Variants in TNS3 observed in about 807,000 individuals in gnomAD.
The protein encoded by TNS3 is tensin 3, also known as tensin-3.
Under a neutral mutation model 140.9 loss-of-function variants are expected in TNS3, and 45 were observed. The ratio of observed to expected loss-of-function variants is 0.32; its 90% CI spans 0.25 to 0.41. TNS3 has a LOEUF of 0.41. Ranked by LOEUF, TNS3 falls within the 10% of genes least tolerant of loss-of-function variation. The probability of loss-of-function intolerance (pLI) is 1.00; values close to 1 mark genes in which losing one functional copy is unlikely to be tolerated. For synonymous variants in TNS3, 815 were observed against 788.4 expected (o/e 1.03, Z -0.56); for missense variants, 1,716 against 1,906.7 (o/e 0.90, Z 1.86).
chr7:47,544,211 G>C (rs758034731), intron 1 of TNS3, among the ~76,000 whole-genome samples: 2 of 151,092 alleles, frequency 1.3e-5, no homozygotes, highest in Non-Finnish European at 2.9e-5. Flanking sequence ...TCAGAGGCTG[G>C]TGCCAAGAGG....
At chr7:47,538,862 T>G (rs1799699217) in intron 1 of TNS3, among the ~76,000 whole-genome samples, 1 of 152,200 alleles carries the variant, frequency 6.6e-6, no homozygotes, top group African/African-American at 2.4e-5. Context: ...ACATTCATCA[T>G]TTTTTTCCTA....
chr7:47,308,045 GT>G (rs565461099), intron 20 of TNS3, among the ~76,000 whole-genome samples: 292 of 152,154 alleles, frequency 1.9e-3, no homozygotes, highest in African/African-American at 6.3e-3. Context: ...ATGTTTTTCT[GT>G]TTTCTTCCAA....
At chr7:47,575,975 T>A (rs1800666595) in intron 1 of TNS3, among the ~76,000 whole-genome samples, 1 of 151,992 alleles carries the variant, frequency 6.6e-6, no homozygotes, top group African/African-American at 2.4e-5. Flanking sequence ...AGCCCTCCTG[T>A]CTCCCTTAGC....
At chr7:47,284,963 C>T (rs1471299016) in intron 27 of TNS3, among the ~76,000 whole-genome samples, 2 of 152,226 alleles carry the variant, frequency 1.3e-5, no homozygotes, top group South Asian at 4.1e-4. Flanking sequence ...TCAGAACCAG[C>T]AAGGGCCATG....
rs752414814 is a variant in TNS3, at chr7:47,428,306, T to C, written c.389+6A>G. 4.9e-6 allele frequency: 7 copies of C among 1,430,148 alleles called. No individual in the cohort carries two copies. The highest frequency in any genetic ancestry group is 6.4e-6 in the Non-Finnish European group (7 of 1,085,710). 88.6% of individuals were successfully genotyped at this position (1,430,148 alleles called of 1,614,324 possible). ...TCAAGACAGCGAGCTGACATCTTCATCCTACCTGGCTGAGACGTTGGTGAA... is the reference window on the plus strand; with the variant it reads ...TCAAGACAGCGAGCTGACATCTTCACCCTACCTGGCTGAGACGTTGGTGAA... On this transcript the variant is annotated splice_donor_region_variant and intron_variant, in intron 9 of 30. Coordinates refer to ENST00000311160, the MANE Select transcript of TNS3 (RefSeq NM_022748.12).
rs1797875164 is a variant in TNS3, at chr7:47,493,150, G to A, written c.-114-12009C>T. 2.0e-5 allele frequency among the ~76,000 whole-genome samples: 3 copies of A among 152,356 alleles called. No individual in the cohort carries two copies. The South Asian group carries it at 6.2e-4, about 32-fold the overall frequency. ...GAATAAAACCACCCTCCAGAGTGAAGCGCAGAGCTCTGACAGTCAATGTTC... is the reference window on the plus strand; with the variant it reads ...GAATAAAACCACCCTCCAGAGTGAAACGCAGAGCTCTGACAGTCAATGTTC... On this transcript the variant is annotated intron_variant, in intron 3 of 30. Coordinates refer to ENST00000311160, the MANE Select transcript of TNS3 (RefSeq NM_022748.12).
At chr7:47,558,274 C>T (rs1465336238) in intron 1 of TNS3, among the ~76,000 whole-genome samples, 1 of 152,214 alleles carries the variant, frequency 6.6e-6, no homozygotes, top group Non-Finnish European at 1.5e-5. Flanking sequence ...ATCAAAGAGG[C>T]TGCGCCACCT....
intron 4 of TNS3, among the ~76,000 whole-genome samples, chr7:47,459,993 T>C (rs1285461517): frequency 6.6e-6 from 1 of 152,030 alleles, no homozygotes; most frequent in African/African-American, 2.4e-5. Context: ...GTATGAGTGG[T>C]GTCTTTATAA....
intron 18 of TNS3, among the ~76,000 whole-genome samples, chr7:47,345,362 G>A (rs1310654668): frequency 3.3e-5 from 5 of 152,102 alleles, no homozygotes; most frequent in Admixed American, 6.5e-5. Flanking sequence ...AATATTAAGC[G>A]AAAAAGCTGG....
At chr7:47,278,400 C>T (rs1298113444) in intron 30 of TNS3, 180 bp from the exon 31 acceptor site, 1 of 648,056 alleles carries the variant, frequency 1.5e-6, no homozygotes, top group African/African-American at 1.8e-5. Flanking sequence ...CCTTCACAGA[C>T]CTACAGATGG....
At chr7:47,462,065 C>T (rs190606564) in intron 4 of TNS3, among the ~76,000 whole-genome samples, 102 of 152,286 alleles carry the variant, frequency 6.7e-4, no homozygotes, top group Non-Finnish European at 1.2e-3. Flanking sequence ...CTACTTTTAC[C>T]GGTTTTCAGA....
chr7:47,341,326 T>TCTTTA (rs1405354085), intron 20 of TNS3, among the ~76,000 whole-genome samples: 2 of 152,334 alleles, frequency 1.3e-5, no homozygotes, highest in Admixed American at 1.3e-4. Flanking sequence ...TGTTAATTCT[T>TCTTTA]CTTTACATGT....
intron 2 of TNS3, among the ~76,000 whole-genome samples, chr7:47,521,661 AACCTAAAGGATGAGGGTCAGCAGGCAG>A (rs994445252): frequency 1.6e-4 from 24 of 152,192 alleles, no homozygotes; most frequent in African/African-American, 5.5e-4. Flanking sequence ...CTTGAGCTGA[AACCTAAAGGATGAGGGTCAGCAGGCAG>A]AGCAGCACAG....
intron 1 of TNS3, among the ~76,000 whole-genome samples, chr7:47,564,647 AAAC>A (rs1211037702): frequency 2.8e-5 from 2 of 70,540 alleles, no homozygotes; most frequent in East Asian, 3.0e-4. Flanking sequence ...AAAAAAAAAA[AAAC>A]AAAAAAAAAC....
rs372460383 is a variant in TNS3 at position 47,420,465 on chromosome 7, G to C, written c.473+3636C>G. On this transcript the variant is annotated intron_variant, in intron 10 of 30. Coordinates refer to ENST00000311160, the MANE Select transcript of TNS3 (RefSeq NM_022748.12). ...AAATGGCAGAGTATGACCTTCTCAG[G>C]GTACATCACCAGAAAAGGGAAGAAA... Among the ~76,000 whole-genome samples the C allele has an allele frequency of 1.2e-4, 19 of 152,100 alleles. 1 individual carries two copies. In the South Asian group the frequency reaches 3.9e-3, roughly 32 times the overall value.
intron 16 of TNS3, among the ~76,000 whole-genome samples, chr7:47,389,632 T>G (rs1261504377): frequency 6.6e-6 from 1 of 152,236 alleles, no homozygotes; most frequent in Non-Finnish European, 1.5e-5. Flanking sequence ...GTGTATCAAT[T>G]TTTTGAAAGT....
chr7:47,379,562 G>A (rs368350705), intron 16 of TNS3, among the ~76,000 whole-genome samples: 3 of 151,832 alleles, frequency 2.0e-5, no homozygotes, highest in East Asian at 1.9e-4. Flanking sequence ...ATTTCAAGAC[G>A]CGATGAAATG....
intron 20 of TNS3, among the ~76,000 whole-genome samples, chr7:47,330,880 A>G (rs912722997): frequency 6.6e-6 from 1 of 152,132 alleles, no homozygotes; most frequent in African/African-American, 2.4e-5. Context: ...CCCTCCCACC[A>G]GCCCGCACTG....
intron 4 of TNS3, among the ~76,000 whole-genome samples, chr7:47,460,212 CAAAAAAAAAAA>C (rs10526565): frequency 0.025 from 2,872 of 115,084 alleles, 58 homozygotes; most frequent in Middle Eastern, 0.055. Flanking sequence ...GACTCTGTCC[CAAAAAAAAAAA>C]AAAAAAAAAA....
Sources: allele counts gnomAD v4.1 joint callset (sites outside exome capture counted in the v4.1 genomes callset), GRCh38; gene constraint gnomAD v4.1.1; transcripts MANE v1.5; gene names NCBI Gene and HGNC (gene_info 2026-07-23, HGNC 2026-07-21).